Variants in MTHFD1 observed in about 807,000 individuals in gnomAD.
MTHFD1 encodes C-1-tetrahydrofolate synthase, cytoplasmic.
Under a neutral mutation model 110.3 loss-of-function variants are expected in MTHFD1, and 44 were observed. That is an observed-to-expected ratio of 0.40 (90% CI 0.31 to 0.51). The LOEUF (loss-of-function observed/expected upper bound fraction) is 0.51, where lower values mean the gene tolerates loss of function less well. MTHFD1 is among the 20% of genes least tolerant of loss of function. The pLI is 0.60. For missense variants in MTHFD1, 909 were observed against 1,173.1 expected, an observed-to-expected ratio of 0.77 and a Z score of 3.29; for synonymous variants, 402 against 428.8, an observed-to-expected ratio of 0.94 and a Z score of 0.77.
intron 24 of MTHFD1, 123 bp from the exon 25 acceptor site, chr14:64,453,631 T>A (rs931892854): frequency 8.6e-6 from 6 of 701,632 alleles, no homozygotes; most frequent in African/African-American, 1.8e-5. Flanking sequence ...TGCTTATGTA[T>A]ATGTATATAA....
chr14:64,398,450 A>G (rs535997695), intron 1 of MTHFD1, among the ~76,000 whole-genome samples: 1 of 152,216 alleles, frequency 6.6e-6, no homozygotes, highest in South Asian at 2.1e-4. Flanking sequence ...GGGAGGCTGA[A>G]GTGGGAGGAT....
rs373302182 is a variant in MTHFD1 at position 64,424,793 on chromosome 14, C to G, written c.728-11C>G. The G allele has an allele frequency of 2.3e-4, 377 of 1,613,618 alleles. 1 individual carries two copies. Among genetic ancestry groups the G allele is most frequent in the Non-Finnish European group, 3.1e-4 (360 of 1,179,956 alleles). ...TGAGACTTAGTTTTGATTTCTCCCC[C>G]ACTTGACCAGATGATAAAAAACCAA... On this transcript the variant is annotated splice_polypyrimidine_tract_variant and intron_variant, in intron 8 of 27. Transcript: ENST00000652337.
intron 21 of MTHFD1, among the ~76,000 whole-genome samples, chr14:64,443,941 A>G (rs928689547): frequency 5.3e-5 from 8 of 152,034 alleles, no homozygotes; most frequent in African/African-American, 1.9e-4. Flanking sequence ...CTGCCTCCAC[A>G]CAGCCCCTTC....
At chr14:64,410,216 C>T (rs952724919) in intron 2 of MTHFD1, among the ~76,000 whole-genome samples, 2 of 152,100 alleles carry the variant, frequency 1.3e-5, no homozygotes, top group African/African-American at 4.8e-5. Context: ...TTCTCCCTGT[C>T]TCTCTCTTTT....
At chr14:64,444,932 C>T in intron 22 of MTHFD1, 198 bp downstream of exon 22, 1 of 622,220 alleles carries the variant, frequency 1.6e-6, no homozygotes, top group Non-Finnish European at 2.9e-6. Flanking sequence ...AGAATTGTCC[C>T]ACATAGGGTG....
At position 64,388,737 on chromosome 14, in the gene MTHFD1, TTC is replaced by T. The variant is rs1282065021; in HGVS notation, c.41+271_41+272del. 6.9e-6 allele frequency: 4 copies of T among 581,658 alleles called. No homozygotes were observed. The African/African-American group carries it at 7.5e-5, about 11-fold the overall frequency. 36.0% of individuals were successfully genotyped at this position (581,658 alleles called of 1,614,324 possible). A position where few individuals can be genotyped will look rare whatever the true frequency, so the allele number is the denominator to read the frequency against. ...CCCAAACGCGCAGCTGCTGGTGACT[TTC>T]TGCCGGGAGAGTGGGTAGTTGCGGC... On this transcript the variant is annotated intron_variant, in intron 1 of 27. Transcript: ENST00000652337.
At position 64,437,603 on chromosome 14, in the gene MTHFD1, G is replaced by C. The variant is rs962698917; in HGVS notation, c.1598-1493G>C. 4.6e-5 allele frequency among the ~76,000 whole-genome samples: 7 copies of C among 152,182 alleles called. No homozygotes were observed. The South Asian group carries it at 1.5e-3, about 32-fold the overall frequency. On this transcript the variant is annotated intron_variant, in intron 16 of 27. Transcript: ENST00000652337. ...ACAGGTAAAGGGCTCAGTCCTAAAA[G>C]ACTGCCCCACTTCAGACACGAATCG...
chr14:64,395,213 T>C (rs535636673), intron 1 of MTHFD1, among the ~76,000 whole-genome samples: 3 of 152,288 alleles, frequency 2.0e-5, no homozygotes, highest in Non-Finnish European at 2.9e-5. Flanking sequence ...CAAATGTTTT[T>C]TGTTTGGCTT....
In MTHFD1 at chr14:64,439,187, C is replaced by CT; in HGVS notation, c.1674+18dup. ...ACACACGGACGGTAACAATTTGTCC[C>CT]TTTCCAAGGAAATTAGTTCAGAGGC... On this transcript the variant is annotated intron_variant, in intron 17 of 27. Coordinates refer to ENST00000652337, the MANE Select transcript of MTHFD1 (RefSeq NM_005956.4). The CT allele has an allele frequency of 6.2e-7, 1 of 1,605,762 alleles. No individual in the cohort carries two copies. The highest frequency in any genetic ancestry group is 1.1e-5 in the South Asian group (1 of 90,784).
At chr14:64,392,293 G>A (rs2077812717) in intron 1 of MTHFD1, among the ~76,000 whole-genome samples, 1 of 152,190 alleles carries the variant, frequency 6.6e-6, no homozygotes, top group Admixed American at 6.5e-5. Context: ...CAGAAGGGTG[G>A]TGTCTTTTAA....
rs1215346860 is a variant in MTHFD1 at position 64,388,403 on chromosome 14, C to T, written c.-25C>T. ...GAACCTCGATATTGGTGGTGTCCAT[C>T]GTGGGCAGCGGACTAATAAAGGCCA... is the stretch of plus-strand genomic sequence containing the variant. On this transcript the variant is annotated 5_prime_UTR_variant, in exon 1 of 28. Coordinates refer to ENST00000652337, the MANE Select transcript of MTHFD1 (RefSeq NM_005956.4). The T allele has an allele frequency of 2.5e-6, 4 of 1,614,158 alleles. No individual in the cohort carries two copies. The highest frequency in any genetic ancestry group is 4.5e-5 in the East Asian group (2 of 44,884).
At chr14:64,430,065 C>G (rs61107070) in intron 12 of MTHFD1, 119 bp from the exon 13 acceptor site, 31,767 of 928,738 alleles carry the variant, frequency 0.034, 1,093 homozygotes, top group African/African-American at 0.16. Flanking sequence ...CCAAATGATT[C>G]TAAAAAATAA....
rs773137159 is a variant in MTHFD1 at position 64,415,763 on chromosome 14, A to G, written c.478+24A>G. 1.9e-5 allele frequency: 31 copies of G among 1,609,822 alleles called. No individual in the cohort carries two copies. The South Asian group carries it at 3.3e-4, about 17-fold the overall frequency. ...AGGTAAAAACAACAAACCAAACAACAAGAAAGCACCATTTCCTGAATCCTG... is the reference window on the plus strand; with the variant it reads ...AGGTAAAAACAACAAACCAAACAACGAGAAAGCACCATTTCCTGAATCCTG... On this transcript the variant is annotated intron_variant, in intron 6 of 27. Transcript: ENST00000652337.
At position 64,417,649 on chromosome 14, in the gene MTHFD1, G is replaced by A. The variant is rs2078034799; in HGVS notation, c.479-239G>A. ...CCCACTCCCCTATGACTCAATGAAT[G>A]ATCTTGGCTTAAGCTGCTCCCAAAA... On this transcript the variant is annotated intron_variant, in intron 6 of 27. Transcript: ENST00000652337. The surrounding 1 kb of genome is among the most constrained non-coding windows in gnomAD (Gnocchi z 4.4). 6.6e-6 allele frequency among the ~76,000 whole-genome samples: 1 copy of A among 152,128 alleles called. No homozygotes were observed.
intron 17 of MTHFD1, 62 bp downstream of exon 17, chr14:64,439,234 C>A: frequency 8.7e-7 from 1 of 1,153,708 alleles, no homozygotes; most frequent in Non-Finnish European, 1.3e-6. Flanking sequence ...CTGCTTCTCT[C>A]CTCCTCCATC....
chr14:64,420,565 C>G (rs1250827568), intron 8 of MTHFD1, among the ~76,000 whole-genome samples: 1 of 152,182 alleles, frequency 6.6e-6, no homozygotes, highest in African/African-American at 2.4e-5. Context: ...TGTTTTCTCT[C>G]TCCTCTGTTC....
intron 7 of MTHFD1, among the ~76,000 whole-genome samples, chr14:64,419,042 C>T (rs1029752672): frequency 6.6e-6 from 1 of 151,818 alleles, no homozygotes; most frequent in East Asian, 1.9e-4. Context: ...CTTTTTGTAG[C>T]GACAGGGGTC....
At chr14:64,394,758 A>G (rs1160395468) in intron 1 of MTHFD1, among the ~76,000 whole-genome samples, 1 of 152,188 alleles carries the variant, frequency 6.6e-6, no homozygotes, top group Non-Finnish European at 1.5e-5. Context: ...CTTAGTAAGC[A>G]GCCTTTTAGA....
Position 64,442,414 on chromosome 14 carries a change from G to A in MTHFD1, c.2136+12G>A. 6.2e-7 allele frequency: 1 copy of A among 1,613,770 alleles called. No individual in the cohort carries two copies. The highest frequency in any genetic ancestry group is 8.5e-7 in the Non-Finnish European group (1 of 1,179,964). On this transcript the variant is annotated intron_variant, in intron 21 of 27. Transcript: ENST00000652337. ...GGGGCGGCCCCACGGTGAGTGGTGG[G>A]TTGAAGTATCTGATTATCGGCAGTG...
Sources: gnomAD v4.1 joint callset for allele counts (sites outside exome capture counted in the v4.1 genomes callset) on GRCh38, gnomAD v4.1.1 for gene constraint, Gnocchi (gnomAD v3.1) non-coding constraint, MANE v1.5 for transcripts, NCBI Gene and HGNC (gene_info 2026-07-23, HGNC 2026-07-21) for gene names.